Variants in SYT16 observed in about 807,000 individuals in gnomAD.
SYT16 encodes synaptotagmin-16.
Under a neutral mutation model 61.4 loss-of-function variants are expected in SYT16, and 42 were observed. That is an observed-to-expected ratio of 0.68 (90% confidence interval 0.53 to 0.89). The LOEUF (loss-of-function observed/expected upper bound fraction) is 0.89. Among genes scored for constraint, SYT16 ranks in the 40% least tolerant of loss-of-function variants. The pLI is 0.00. For synonymous variants in SYT16, 314 were observed against 302.3 expected (o/e 1.04, Z -0.40); for missense variants, 804 against 807.3 (o/e 1.00, Z 0.05).
intron 1 of SYT16, among the ~76,000 whole-genome samples, chr14:61,865,931 T>C (rs558580436): frequency 6.6e-6 from 1 of 152,342 alleles, no homozygotes; most frequent in African/African-American, 2.4e-5. Flanking sequence ...ACGAAATTGA[T>C]CACAGATTAT....
At position 61,996,025 on chromosome 14, in the gene SYT16, G is replaced by C. The variant is rs377029861; in HGVS notation, c.6G>C (p.Val2=). 3.8e-6 allele frequency: 6 copies of C among 1,587,840 alleles called. No individual in the cohort carries two copies. In the African/African-American group the frequency reaches 8.1e-5, roughly 21 times the overall value. M[V]LAMASQDVQN... is the part of the protein sequence containing the mutation. The stretch of plus-strand genomic sequence containing the variant: ...TAGACATCAGATAGCTGGCCATGGT[G>C]TTGGCCATGGCGTCTCAGGATGTTC... Residue 2 remains valine, a synonymous_variant, in exon 3 of 8, where the codon GTG becomes GTC. Coordinates refer to ENST00000683842, the MANE Select transcript of SYT16 (RefSeq NM_001367656.1).
At chr14:61,953,713 T>C (rs1435423588) in intron 1 of SYT16, among the ~76,000 whole-genome samples, 1 of 152,064 alleles carries the variant, frequency 6.6e-6, no homozygotes, top group African/African-American at 2.4e-5. Context: ...CCTTTGATTG[T>C]CACTTCCTTA....
At chr14:61,995,702 C>T in intron 2 of SYT16, 174 bp from the exon 3 acceptor site, 1 of 245,126 alleles carries the variant, frequency 4.1e-6, no homozygotes, top group Non-Finnish European at 7.7e-6. Flanking sequence ...GGTGAATAGG[C>T]ATTGAAATAA....
intron 1 of SYT16, among the ~76,000 whole-genome samples, chr14:61,940,267 T>C (rs2050156252): frequency 6.6e-6 from 1 of 152,086 alleles, no homozygotes; most frequent in Admixed American, 6.5e-5. Flanking sequence ...TTCCATCTAC[T>C]GGCTTAGGCT....
intron 6 of SYT16, 108 bp downstream of exon 6, chr14:62,081,382 AT>A: frequency 7.9e-7 from 1 of 1,266,924 alleles, no homozygotes. Flanking sequence ...CTTTAATTTA[AT>A]TTTCCATTTG....
intron 7 of SYT16, among the ~76,000 whole-genome samples, chr14:62,093,378 A>G (rs1375081875): frequency 6.6e-6 from 1 of 152,058 alleles, no homozygotes; most frequent in Non-Finnish European, 1.5e-5. Flanking sequence ...AAATCAAAAT[A>G]TATCAGTAGT....
At chr14:61,895,786 T>C (rs1385501957) in intron 1 of SYT16, among the ~76,000 whole-genome samples, 2 of 152,222 alleles carry the variant, frequency 1.3e-5, no homozygotes, top group Admixed American at 1.3e-4. Context: ...GATTTTTGAG[T>C]CTTTATTACC....
rs1400919194 is a variant in SYT16, at chr14:62,111,157, C to T, written c.*10450C>T. ...TCACATTCACACATTTATGTTTCAC[C>T]ATATGCATACTGTGTACAGCTCTGT... On this transcript the variant is annotated 3_prime_UTR_variant, in exon 8 of 8. Coordinates refer to ENST00000683842, the MANE Select transcript of SYT16 (RefSeq NM_001367656.1). 3.3e-5 allele frequency: 5 copies of T among 152,004 alleles called. No homozygotes were observed. Among genetic ancestry groups the T allele is most frequent in the Non-Finnish European group, 5.9e-5 (4 of 67,926 alleles). 9.4% of individuals were successfully genotyped at this position (152,004 alleles called of 1,614,324 possible).
At chr14:61,868,547 T>C (rs1440554753) in intron 1 of SYT16, among the ~76,000 whole-genome samples, 3 of 152,096 alleles carry the variant, frequency 2.0e-5, no homozygotes, top group Admixed American at 2.0e-4. Flanking sequence ...AATTTCCCTT[T>C]TGACTTCTTT....
chr14:61,906,670 T>C (rs2048722395), intron 1 of SYT16, among the ~76,000 whole-genome samples: 1 of 152,128 alleles, frequency 6.6e-6, no homozygotes, highest in African/African-American at 2.4e-5. Flanking sequence ...ATGATATAAA[T>C]GAACAGCTAC....
chr14:61,845,510 TC>T (rs1207872116), intron 1 of SYT16, among the ~76,000 whole-genome samples: 1 of 152,250 alleles, frequency 6.6e-6, no homozygotes, highest in Admixed American at 6.5e-5. Context: ...CCACTAATGA[TC>T]CTTTGAATTT....
chr14:61,994,795 A>C (rs1199921988), intron 2 of SYT16, among the ~76,000 whole-genome samples: 3 of 152,190 alleles, frequency 2.0e-5, no homozygotes, highest in Admixed American at 6.5e-5. Flanking sequence ...CATTTAATAG[A>C]TAATCAATAT....
chr14:62,015,531 C>G (rs559271538), intron 3 of SYT16, among the ~76,000 whole-genome samples: 4 of 152,032 alleles, frequency 2.6e-5, no homozygotes. Context: ...GTGCTATGAT[C>G]TGAAGGTTTT....
At chr14:62,074,632 A>C (rs1374038322) in intron 4 of SYT16, among the ~76,000 whole-genome samples, 4 of 152,236 alleles carry the variant, frequency 2.6e-5, no homozygotes, top group African/African-American at 9.6e-5. Flanking sequence ...TGGCAGAGAC[A>C]GGATTTAAAC....
intron 3 of SYT16, among the ~76,000 whole-genome samples, chr14:62,034,287 G>A (rs2054420357): frequency 6.6e-6 from 1 of 152,148 alleles, no homozygotes; most frequent in African/African-American, 2.4e-5. Flanking sequence ...TTGGAAAATA[G>A]TATAGCAGTT....
chr14:61,958,879 C>T (rs1396624235), intron 1 of SYT16, among the ~76,000 whole-genome samples: 1 of 152,004 alleles, frequency 6.6e-6, no homozygotes, highest in Non-Finnish European at 1.5e-5. Flanking sequence ...GCATTGCTAC[C>T]TATTTTTCAC....
At chr14:62,041,588 C>A (rs1212166128) in intron 3 of SYT16, among the ~76,000 whole-genome samples, 3 of 152,156 alleles carry the variant, frequency 2.0e-5, no homozygotes, top group African/African-American at 7.2e-5. Flanking sequence ...CTCACTGCAA[C>A]TCTGCCTCCC....
intron 1 of SYT16, among the ~76,000 whole-genome samples, chr14:61,928,005 A>G (rs1262714129): frequency 6.6e-6 from 1 of 152,198 alleles, no homozygotes; most frequent in Non-Finnish European, 1.5e-5. Context: ...CCTCAGGCTA[A>G]CTTTGATATT....
chr14:61,830,672 G>T (rs1392909348), intron 1 of SYT16, among the ~76,000 whole-genome samples: 3 of 152,122 alleles, frequency 2.0e-5, no homozygotes, highest in Non-Finnish European at 2.9e-5. Flanking sequence ...AGGAGGTAGG[G>T]TGTTGCCTCT....
Sources: allele counts gnomAD v4.1 joint callset (sites outside exome capture counted in the v4.1 genomes callset), GRCh38; gene constraint gnomAD v4.1.1; transcripts MANE v1.5; gene names NCBI Gene and HGNC (gene_info 2026-07-23, HGNC 2026-07-21).